The following KLRK1 variants were observed in gnomAD, a reference collection of about 807,000 sequenced individuals.
KLRK1 encodes killer cell lectin like receptor K1.
A neutral mutation model predicts 31.3 loss-of-function variants in KLRK1; 40 were observed. That is an observed-to-expected ratio of 1.28 (90% CI 0.99 to 1.67). The LOEUF (loss-of-function observed/expected upper bound fraction) is 1.67, where lower values mean the gene tolerates loss of function less well. Among genes scored for constraint, KLRK1 ranks in the 40% most tolerant of loss-of-function variants. KLRK1 has a pLI of 0.00. For synonymous variants in KLRK1, 77 were observed against 77.3 expected (o/e 1.00, Z 0.02); for missense variants, 251 against 260.0 (o/e 0.97, Z 0.24).
intron 7 of KLRK1, among the ~76,000 whole-genome samples, chr12:10,374,848 A>G (rs928365505): frequency 6.6e-6 from 1 of 152,040 alleles, no homozygotes; most frequent in African/African-American, 2.4e-5. Context: ...GTTTTATTCT[A>G]CTCATCTCTG....
At chr12:10,388,660 G>T (rs1863211786) in intron 2 of KLRK1, 111 bp downstream of exon 2, 2 of 1,215,850 alleles carry the variant, frequency 1.6e-6, no homozygotes, top group Non-Finnish European at 2.3e-6. Flanking sequence ...AATAGAACAT[G>T]AAAAGAATCA....
intron 3 of KLRK1, among the ~76,000 whole-genome samples, chr12:10,381,592 C>T (rs1394889971): frequency 6.6e-6 from 1 of 151,356 alleles, no homozygotes; most frequent in Non-Finnish European, 1.5e-5. Context: ...GGCAAAACAA[C>T]AGGTATATCA....
intron 7 of KLRK1, among the ~76,000 whole-genome samples, chr12:10,376,615 A>G (rs1381415976): frequency 6.6e-6 from 1 of 152,122 alleles, no homozygotes. Flanking sequence ...AGAAACTAAA[A>G]AAGCAAATTT....
In KLRK1 at chr12:10,378,118, G is replaced by A; in HGVS notation, c.533+14C>T. Reference sequence around the variant, plus strand: ...AAAATTAAAAAGAAGAGACTCATTGGGTCAGAGACTTACAGGTTGGGTGAG... The same window carrying A: ...AAAATTAAAAAGAAGAGACTCATTGAGTCAGAGACTTACAGGTTGGGTGAG... On this transcript the variant is annotated intron_variant, in intron 7 of 7. Coordinates refer to ENST00000240618, the MANE Select transcript of KLRK1 (RefSeq NM_007360.4). 1 of 1,608,682 alleles carries A rather than the reference G, an allele frequency of 6.2e-7. No individual in the cohort carries two copies. The highest frequency in any genetic ancestry group is 8.5e-7 in the Non-Finnish European group (1 of 1,178,004).
chr12:10,373,025 T>C lies in KLRK1; in HGVS notation c.*89A>G. ...GTCTTTGGTCATTTTGTCCTGTTTT[T>C]GTTTGTTTCCTTTAGTCTCAGTTGG... On this transcript the variant is annotated 3_prime_UTR_variant, in exon 8 of 8. Coordinates refer to ENST00000240618, the MANE Select transcript of KLRK1 (RefSeq NM_007360.4). 1 of 1,174,940 alleles carries C rather than the reference T, an allele frequency of 8.5e-7. No homozygotes were observed. The highest frequency in any genetic ancestry group is 1.2e-6 in the Non-Finnish European group (1 of 807,670). 72.8% of individuals were successfully genotyped at this position (1,174,940 alleles called of 1,614,324 possible). A position where few individuals can be genotyped will look rare whatever the true frequency, so the allele number is the denominator to read the frequency against.
intron 1 of KLRK1, among the ~76,000 whole-genome samples, chr12:10,389,349 A>G (rs191017670): frequency 6.6e-6 from 1 of 152,150 alleles, no homozygotes; most frequent in Non-Finnish European, 1.5e-5. Context: ...CAACGTGCCC[A>G]TATCATCATC....
chr12:10,378,127 C>T lies in KLRK1; in HGVS notation c.533+5G>A. On this transcript the variant is annotated splice_donor_5th_base_variant and intron_variant, in intron 7 of 7. Coordinates refer to ENST00000240618, the MANE Select transcript of KLRK1 (RefSeq NM_007360.4). ...AAGAAGAGACTCATTGGGTCAGAGA[C>T]TTACAGGTTGGGTGAGAGAATGGAG... is the stretch of plus-strand genomic sequence containing the variant. The T allele has an allele frequency of 6.2e-7, 1 of 1,613,452 alleles. No homozygotes were observed. The highest frequency in any genetic ancestry group is 2.2e-5 in the East Asian group (1 of 44,850).
At chr12:10,378,315 T>C in intron 6 of KLRK1, 80 bp from the exon 7 acceptor site, 1 of 1,466,172 alleles carries the variant, frequency 6.8e-7, no homozygotes, top group Non-Finnish European at 9.4e-7. Flanking sequence ...CCATTTCATC[T>C]GTTCTCACAC....
intron 3 of KLRK1, among the ~76,000 whole-genome samples, chr12:10,381,299 G>A (rs1472567745): frequency 6.6e-6 from 1 of 151,838 alleles, no homozygotes; most frequent in Non-Finnish European, 1.5e-5. Flanking sequence ...ACTGTATTAA[G>A]CGAAACTATC....
chr12:10,379,812 C>A lies in KLRK1; in HGVS notation c.149-20G>T, dbSNP rs552976948. The A allele has an allele frequency of 8.1e-6, 13 of 1,605,532 alleles. No individual in the cohort carries two copies. In the African/African-American group the frequency reaches 1.5e-4, roughly 18 times the overall value. ...GAGATGCTGTCAAAGAAAAAAGACA[C>A]AGATCAGAGAAAGAAGCATAAAAGG... On this transcript the variant is annotated intron_variant, in intron 3 of 7. Transcript: ENST00000240618.
chr12:10,372,356 A>G lies in KLRK1; in HGVS notation c.*758T>C, dbSNP rs1447457426. On this transcript the variant is annotated 3_prime_UTR_variant, in exon 8 of 8. Transcript: ENST00000240618. ...CTAAATATCATCAAACAAGATATGCATGAGACTCAAGATTCTATTTATTCA... is the reference window on the plus strand; with the variant it reads ...CTAAATATCATCAAACAAGATATGCGTGAGACTCAAGATTCTATTTATTCA... The G allele has an allele frequency of 2.6e-5, 4 of 152,288 alleles. No individual in the cohort carries two copies. The highest frequency in any genetic ancestry group is 7.2e-5 in the African/African-American group (3 of 41,478). The allele number at this position is 152,288 out of a possible 1,614,324, so 9.4% of individuals were successfully genotyped here.
At chr12:10,381,803 G>A (rs1863081606) in intron 3 of KLRK1, 1 of 152,218 alleles carries the variant, frequency 6.6e-6, no homozygotes, top group South Asian at 2.1e-4. Flanking sequence ...GGTAAGAAAA[G>A]ATGGTCTTGC....
At position 10,378,584 on chromosome 12, in the gene KLRK1, GCTGGCATTTTGAGACATACAAGAAGC is replaced by G. The variant is rs1863008946; in HGVS notation, c.373_398del (p.Ala125ProfsTer14). The stretch of plus-strand genomic sequence containing the variant: ...CCTCTTTGCTGTATACTTTCAGAAG[GCTGGCATTTTGAGACATACAAGAAGC>G]CTGGCTCTCATACCAGTTTTTACTC... On this transcript the variant is annotated frameshift_variant, in exon 6 of 8. Coordinates refer to ENST00000240618, the MANE Select transcript of KLRK1 (RefSeq NM_007360.4). LOFTEE classifies it high-confidence loss of function. The G allele has an allele frequency of 5.0e-6, 8 of 1,612,226 alleles. No individual in the cohort carries two copies. Among genetic ancestry groups the G allele is most frequent in the African/African-American group, 1.3e-5 (1 of 74,800 alleles).
At chr12:10,379,859 T>C in intron 3 of KLRK1, 67 bp from the exon 4 acceptor site, 2 of 1,399,310 alleles carry the variant, frequency 1.4e-6, no homozygotes, top group South Asian at 2.9e-5. Context: ...TTGTATTTAA[T>C]ATAAATATTA....
At chr12:10,380,059 G>GTTTTTTTTTTTTTTTTTTTTTTT (rs1162094591) in intron 3 of KLRK1, among the ~76,000 whole-genome samples, 1 of 83,766 alleles carries the variant, frequency 1.2e-5, no homozygotes, top group Non-Finnish European at 2.2e-5. Context: ...TGTTGTTATT[G>GTTTTTTTTTTTTTTTTTTTTTTT]TTTTTTTTTT....
intron 7 of KLRK1, among the ~76,000 whole-genome samples, chr12:10,374,474 C>T (rs896728921): frequency 6.6e-6 from 1 of 150,726 alleles, no homozygotes; most frequent in African/African-American, 2.5e-5. Flanking sequence ...CTCACTGCAA[C>T]CTCCACCTCC....
At chr12:10,385,416 T>TA (rs561971740) in intron 3 of KLRK1, among the ~76,000 whole-genome samples, 121 of 133,918 alleles carry the variant, frequency 9.0e-4, no homozygotes, top group African/African-American at 3.9e-3. Context: ...CATTCAGTCA[T>TA]AAAAAAAAGA....
At chr12:10,389,018 G>T (rs1345020965) in intron 1 of KLRK1, 143 bp from the exon 2 acceptor site, 2 of 507,002 alleles carry the variant, frequency 3.9e-6, no homozygotes, top group African/African-American at 1.9e-5. Context: ...TTCACATAAA[G>T]CCAGGCAAAA....
intron 4 of KLRK1, 95 bp from the exon 5 acceptor site, chr12:10,379,577 A>C: frequency 7.6e-7 from 1 of 1,322,688 alleles, no homozygotes; most frequent in Non-Finnish European, 1.0e-6. Flanking sequence ...AATAGCAAAA[A>C]TGTGACAAAG....
Sources: allele counts gnomAD v4.1 joint callset (sites outside exome capture counted in the v4.1 genomes callset), GRCh38; gene constraint gnomAD v4.1.1; transcripts MANE v1.5; gene names NCBI Gene and HGNC (gene_info 2026-07-23, HGNC 2026-07-21).